The following DNAH17 variants were observed in gnomAD, a reference collection of about 807,000 sequenced individuals.
The protein encoded by DNAH17 is dynein axonemal heavy chain 17.
A neutral mutation model predicts 485.6 loss-of-function variants in DNAH17; 376 were observed. That is an observed-to-expected ratio of 0.77 (90% CI 0.71 to 0.84). DNAH17 has a LOEUF of 0.84. DNAH17 is among the 40% of genes least tolerant of loss of function. The pLI, the probability that DNAH17 is intolerant of heterozygous loss-of-function variation, is 0.00. For synonymous variants in DNAH17, 3,031 were observed against 2,405.9 expected (o/e 1.26, Z -7.60); for missense variants, 6,370 against 5,839.3 (o/e 1.09, Z -2.96).
chr17:78,468,788 C>G lies in DNAH17; in HGVS notation c.8607G>C (p.Leu2869=). The G allele has an allele frequency of 4.3e-6, 7 of 1,614,062 alleles. No individual in the cohort carries two copies. The highest frequency in any genetic ancestry group is 5.1e-6 in the Non-Finnish European group (6 of 1,179,908). ...TDSQVAEEQF[L]VLINDLLASG... The stretch of plus-strand genomic sequence containing the variant: ...AGGCCAGCAGGTCATTGATCAGCAC[C>G]AGAAACTGCTCCTCGGCCACCTGGG... Residue 2869 remains leucine, a synonymous_variant, in exon 55 of 81, where the codon CTG becomes CTC. Coordinates refer to ENST00000389840, the MANE Select transcript of DNAH17 (RefSeq NM_173628.4).
At chr17:78,440,557 C>A (rs542821528) in intron 72 of DNAH17, among the ~76,000 whole-genome samples, 1 of 152,148 alleles carries the variant, frequency 6.6e-6, no homozygotes, top group Non-Finnish European at 1.5e-5. Flanking sequence ...CCGCCCCCGG[C>A]CTGCTTCACT....
intron 16 of DNAH17, among the ~76,000 whole-genome samples, chr17:78,545,402 T>A (rs1352404778): frequency 6.6e-6 from 1 of 152,196 alleles, no homozygotes; most frequent in African/African-American, 2.4e-5. Context: ...CTCACAGGTT[T>A]AGAGGTTAGA....
Position 78,494,159 on chromosome 17 carries a change from G to C in DNAH17, c.6285C>G (p.Ser2095Arg). The C allele has an allele frequency of 6.2e-7, 1 of 1,612,050 alleles. No individual in the cohort carries two copies. The highest frequency in any genetic ancestry group is 8.5e-7 in the Non-Finnish European group (1 of 1,179,586). The change falls in exon 41 of 81, where the codon AGC (serine) becomes AGG (arginine). Residue 2095 changes from serine to arginine, a missense_variant. By Grantham distance (110) the Ser-to-Arg change is moderately radical. Coordinates refer to ENST00000389840, the MANE Select transcript of DNAH17 (RefSeq NM_173628.4). Reference sequence around the variant, plus strand: ...CCGCCTGCAGCTTGAGCTCCACGATGCTCTGCTTGATGATCTGGGGAGACA... The same window carrying C: ...CCGCCTGCAGCTTGAGCTCCACGATCCTCTGCTTGATGATCTGGGGAGACA... ...DLNFEKIIKQ[S>R]IVELKLQAED...
At chr17:78,570,856 C>CAA (rs60897530) in intron 6 of DNAH17, 92 bp downstream of exon 6, 7,949 of 287,358 alleles carry the variant, frequency 0.028, 139 homozygotes, top group African/African-American at 0.11. Context: ...GACTCCCTCT[C>CAA]AAAAAAAAAA....
chr17:78,505,624 G>A (rs1221750581), intron 30 of DNAH17, among the ~76,000 whole-genome samples, 179 bp from the exon 31 acceptor site: 1 of 152,242 alleles, frequency 6.6e-6, no homozygotes, highest in Non-Finnish European at 1.5e-5. Flanking sequence ...ACTGCTCTGA[G>A]TCAGGACACA....
At position 78,569,019 on chromosome 17, in the gene DNAH17, T is replaced by C; in HGVS notation, c.1284+147A>G. 4 of 673,854 alleles carry C rather than the reference T, an allele frequency of 5.9e-6. No individual in the cohort carries two copies. In the South Asian group the frequency reaches 8.0e-5, roughly 14 times the overall value. The allele number at this position is 673,854 out of a possible 1,614,324, so 41.7% of individuals were successfully genotyped here. ...CACGGCAGATGCTGCCGCAAAGCCT[T>C]GGTTTCCTCATAACAGATATTTGGG... On this transcript the variant is annotated intron_variant, in intron 9 of 80. Coordinates refer to ENST00000389840, the MANE Select transcript of DNAH17 (RefSeq NM_173628.4).
intron 75 of DNAH17, among the ~76,000 whole-genome samples, chr17:78,430,042 T>C (rs546390119): frequency 6.6e-6 from 1 of 152,294 alleles, no homozygotes; most frequent in Non-Finnish European, 1.5e-5. Context: ...CCCGCCGCCG[T>C]TCCCACTCCC....
chr17:78,496,720 G>A (rs1228967624), intron 37 of DNAH17: 5 of 144,136 alleles, frequency 3.5e-5, no homozygotes, highest in Admixed American at 2.8e-4. Context: ...TGCCCAGGCT[G>A]GAGTGCAGTG....
At chr17:78,542,759 G>A (rs111294497) in intron 17 of DNAH17, among the ~76,000 whole-genome samples, 2,008 of 152,282 alleles carry the variant, frequency 0.013, 46 homozygotes, top group African/African-American at 0.043. Flanking sequence ...TAGCAAAGCA[G>A]GCGTGCATTA....
At chr17:78,498,010 T>TG (rs1285995903) in intron 37 of DNAH17, among the ~76,000 whole-genome samples, 1 of 151,948 alleles carries the variant, frequency 6.6e-6, no homozygotes, top group Non-Finnish European at 1.5e-5. Context: ...GGCGTGGTGG[T>TG]GCACGCCTGC....
At chr17:78,512,663 C>T (rs1015712272) in intron 26 of DNAH17, among the ~76,000 whole-genome samples, 1 of 152,086 alleles carries the variant, frequency 6.6e-6, no homozygotes, top group Admixed American at 6.6e-5. Flanking sequence ...CAATGGAGGC[C>T]AGGTGCGGTG....
chr17:78,542,913 C>T (rs896630086), intron 17 of DNAH17, among the ~76,000 whole-genome samples: 9 of 152,234 alleles, frequency 5.9e-5, no homozygotes, highest in African/African-American at 1.7e-4. Flanking sequence ...ACGGTGCCCA[C>T]CCTCGGCAGC....
In DNAH17 at chr17:78,510,302, C is replaced by A. The variant is rs890900169; in HGVS notation, c.4236+82G>T. The A allele has an allele frequency of 1.9e-6, 3 of 1,581,478 alleles. No individual in the cohort carries two copies. The African/African-American group carries it at 4.0e-5, about 21-fold the overall frequency. ...GTGAGAGCCTTGGGGCTGCAGGACCCCTCTGGGCGCTCTCAGTGGTTGGAG... is the reference window on the plus strand; with the variant it reads ...GTGAGAGCCTTGGGGCTGCAGGACCACTCTGGGCGCTCTCAGTGGTTGGAG... On this transcript the variant is annotated intron_variant, in intron 27 of 80. Transcript: ENST00000389840.
chr17:78,484,576 C>G (rs1377901388), intron 48 of DNAH17, among the ~76,000 whole-genome samples: 1 of 25,300 alleles, frequency 4.0e-5, no homozygotes, highest in South Asian at 1.1e-3. Flanking sequence ...AAGGAGGATC[C>G]CCCCCTCCGC....
intron 19 of DNAH17, among the ~76,000 whole-genome samples, chr17:78,536,168 G>A (rs575216203): frequency 2.0e-5 from 3 of 152,078 alleles, no homozygotes; most frequent in South Asian, 2.1e-4. Flanking sequence ...GGCCGGGCAC[G>A]GTGGCTCACA....
chr17:78,576,496 G>A (rs569472215), intron 1 of DNAH17, among the ~76,000 whole-genome samples: 3 of 152,284 alleles, frequency 2.0e-5, no homozygotes, highest in East Asian at 3.9e-4. Flanking sequence ...GAGGAGCACC[G>A]CGTGGCATTT....
intron 49 of DNAH17, among the ~76,000 whole-genome samples, chr17:78,480,161 C>T (rs2089289526): frequency 6.6e-6 from 1 of 151,324 alleles, no homozygotes; most frequent in African/African-American, 2.4e-5. Flanking sequence ...CCAGCCTGGC[C>T]AATATGGTGA....
intron 42 of DNAH17, 71 bp from the exon 43 acceptor site, chr17:78,491,641 C>T: frequency 1.9e-6 from 3 of 1,542,522 alleles, no homozygotes; most frequent in Non-Finnish European, 2.6e-6. Context: ...CAGTCCTGAC[C>T]CTGGCCTCTC....
chr17:78,478,079 T>TCACCAC (rs1349780027), intron 51 of DNAH17, among the ~76,000 whole-genome samples: 3 of 56,982 alleles, frequency 5.3e-5, no homozygotes, highest in African/African-American at 1.1e-4. Flanking sequence ...ACCACCACCA[T>TCACCAC]CATCACCATC....
Sources: allele counts gnomAD v4.1 joint callset (sites outside exome capture counted in the v4.1 genomes callset), GRCh38; gene constraint gnomAD v4.1.1; transcripts MANE v1.5; gene names NCBI Gene and HGNC (gene_info 2026-07-23, HGNC 2026-07-21).